HMCES: variants seen among roughly 807,000 people sequenced by gnomAD.
HMCES encodes the protein abasic site processing protein HMCES.
A neutral mutation model predicts 35.1 loss-of-function variants in HMCES; 27 were observed. The ratio of observed to expected loss-of-function variants is 0.77; its 90% CI spans 0.57 to 1.06. HMCES has a LOEUF of 1.06. Ranked by LOEUF, HMCES falls within the 50% of genes least tolerant of loss-of-function variation. HMCES has a pLI of 0.00. For synonymous variants in HMCES, 130 were observed against 154.7 expected, an observed-to-expected ratio of 0.84 and a Z score of 1.18; for missense variants, 391 against 430.4, an observed-to-expected ratio of 0.91 and a Z score of 0.81.
intron 5 of HMCES, among the ~76,000 whole-genome samples, chr3:129,299,715 G>C (rs986224236): frequency 1.4e-5 from 2 of 142,230 alleles, no homozygotes; most frequent in African/African-American, 5.3e-5. Flanking sequence ...GCAGTGGTGC[G>C]ATCTCGGCTC....
chr3:129,294,985 A>G (rs768443353), intron 4 of HMCES, among the ~76,000 whole-genome samples: 3 of 151,928 alleles, frequency 2.0e-5, no homozygotes, highest in South Asian at 2.1e-4. Flanking sequence ...GTGAAACCCC[A>G]TCTCTACTAA....
Position 129,304,721 on chromosome 3 carries a change from A to G in HMCES, c.961A>G (p.Lys321Glu), listed in dbSNP as rs2071214407. 6.2e-7 allele frequency: 1 copy of G among 1,614,160 alleles called. No homozygotes were observed. Among genetic ancestry groups the G allele is most frequent in the Non-Finnish European group, 8.5e-7 (1 of 1,180,020 alleles). ...CCAGTGGTCCAGTCAGTTCCTGCAG[A>G]AGAGTCCACTCCCCACCAAGAGAGG... ...VPQWSSQFLQ[K>E]SPLPTKRGTA... The change falls in exon 7 of 7, where the codon AAG (lysine) becomes GAG (glutamate). Residue 321 changes from lysine to glutamate, a missense_variant. Lys to Glu is a moderately conservative substitution (Grantham distance 56, BLOSUM62 1). Transcript: ENST00000383463.
intron 2 of HMCES, among the ~76,000 whole-genome samples, chr3:129,280,581 G>C (rs972575137): frequency 6.6e-6 from 1 of 152,178 alleles, no homozygotes; most frequent in Non-Finnish European, 1.5e-5. Context: ...CTAGGCCTAG[G>C]ACAGGCTTAA....
At position 129,305,032 on chromosome 3, in the gene HMCES, T is replaced by C. The variant is rs931853192; in HGVS notation, c.*207T>C. ...TTTGGAAGAGGTGTCCTGCTGCTGTTACCAGCCATGTGGGCCCCATAGGGG... is the reference window on the plus strand; with the variant it reads ...TTTGGAAGAGGTGTCCTGCTGCTGTCACCAGCCATGTGGGCCCCATAGGGG... On this transcript the variant is annotated 3_prime_UTR_variant, in exon 7 of 7. Coordinates refer to ENST00000383463, the MANE Select transcript of HMCES (RefSeq NM_020187.3). The C allele has an allele frequency of 1.7e-6, 1 of 582,686 alleles. No individual in the cohort carries two copies. The highest frequency in any genetic ancestry group is 3.0e-6 in the Non-Finnish European group (1 of 328,028). 36.1% of individuals were successfully genotyped at this position (582,686 alleles called of 1,614,324 possible).
rs530263963 is a variant in HMCES at position 129,298,883 on chromosome 3, G to A, written c.635+348G>A. Among the ~76,000 whole-genome samples, 210 of 152,316 alleles carry A rather than the reference G, an allele frequency of 1.4e-3. 1 individual carries two copies. Among genetic ancestry groups the A allele is most frequent in the Middle Eastern group, 0.014 (4 of 294 alleles). ...CTACAGGCTGAGCACGGTGGCTCAC[G>A]CCTGTAATCCCAGCACTTTGGGATG... On this transcript the variant is annotated intron_variant, in intron 5 of 6. Coordinates refer to ENST00000383463, the MANE Select transcript of HMCES (RefSeq NM_020187.3).
At chr3:129,289,900 G>C (rs1004877684) in intron 3 of HMCES, among the ~76,000 whole-genome samples, 4 of 152,122 alleles carry the variant, frequency 2.6e-5, no homozygotes, top group Non-Finnish European at 5.9e-5. Context: ...CATAAGAAAA[G>C]AGAGTGGCCG....
intron 2 of HMCES, among the ~76,000 whole-genome samples, chr3:129,284,512 C>T (rs1940582706): frequency 6.6e-6 from 1 of 152,158 alleles, no homozygotes; most frequent in South Asian, 2.1e-4. Flanking sequence ...GAAACATAAC[C>T]TTGCATTTCC....
chr3:129,303,267 G>A (rs1336605165), intron 6 of HMCES, among the ~76,000 whole-genome samples: 2 of 152,150 alleles, frequency 1.3e-5, no homozygotes, highest in African/African-American at 4.8e-5. Flanking sequence ...CTTAAAATAG[G>A]ACATACTTGG....
intron 5 of HMCES, among the ~76,000 whole-genome samples, chr3:129,299,013 T>G (rs1333242416): frequency 6.6e-6 from 1 of 152,124 alleles, no homozygotes; most frequent in Non-Finnish European, 1.5e-5. Context: ...CCGGGCATGG[T>G]GGCGGGCTCC....
chr3:129,301,633 A>G (rs1047979820), intron 5 of HMCES, among the ~76,000 whole-genome samples: 2 of 152,146 alleles, frequency 1.3e-5, no homozygotes, highest in Non-Finnish European at 2.9e-5. Flanking sequence ...TTCAAGATCT[A>G]TTTTCCCTTC....
At chr3:129,296,548 A>G (rs770438223) in intron 4 of HMCES, among the ~76,000 whole-genome samples, 3 of 151,680 alleles carry the variant, frequency 2.0e-5, no homozygotes, top group Non-Finnish European at 4.4e-5. Context: ...TGGTTCTGTT[A>G]ATTTCTATAT....
chr3:129,296,681 G>C (rs1390135807), intron 4 of HMCES, among the ~76,000 whole-genome samples: 1 of 152,004 alleles, frequency 6.6e-6, no homozygotes, highest in African/African-American at 2.4e-5. Flanking sequence ...TCTTCTATTA[G>C]GCCATTAATA....
chr3:129,281,959 T>G (rs1371345988), intron 2 of HMCES, among the ~76,000 whole-genome samples: 1 of 151,662 alleles, frequency 6.6e-6, no homozygotes, highest in African/African-American at 2.4e-5. Flanking sequence ...TCAAATAATG[T>G]TCTTGGTTGA....
chr3:129,286,417 A>G (rs1436388383), intron 2 of HMCES, among the ~76,000 whole-genome samples: 2 of 152,212 alleles, frequency 1.3e-5, no homozygotes, highest in Non-Finnish European at 2.9e-5. Context: ...GAACTATGAG[A>G]TAAATCATAT....
upstream of HMCES, chr3:129,278,844 C>T (rs1447565147): frequency 6.6e-6 from 1 of 151,418 alleles, no homozygotes; most frequent in East Asian, 2.0e-4. Flanking sequence ...CGCGGGTGGC[C>T]AAAGCGGAGC....
chr3:129,305,215 T>A lies in HMCES; in HGVS notation c.*390T>A, dbSNP rs2071220349. On this transcript the variant is annotated 3_prime_UTR_variant, in exon 7 of 7. Coordinates refer to ENST00000383463, the MANE Select transcript of HMCES (RefSeq NM_020187.3). Reference sequence around the variant, plus strand: ...CTTTCACTTTTTTAGTTCTTAAAAATTTATTTTTAAGTTCTAAAATAAAAT... The same window carrying A: ...CTTTCACTTTTTTAGTTCTTAAAAAATTATTTTTAAGTTCTAAAATAAAAT... 1 of 171,382 alleles carries A rather than the reference T, an allele frequency of 5.8e-6. No individual in the cohort carries two copies. Among genetic ancestry groups the A allele is most frequent in the Non-Finnish European group, 1.2e-5 (1 of 81,160 alleles). The allele number at this position is 171,382 out of a possible 1,614,324, so 10.6% of individuals were successfully genotyped here. A position where few individuals can be genotyped will look rare whatever the true frequency, so the allele number is the denominator to read the frequency against.
At chr3:129,288,369 G>T (rs1466337094) in intron 2 of HMCES, among the ~76,000 whole-genome samples, 1 of 152,216 alleles carries the variant, frequency 6.6e-6, no homozygotes, top group Non-Finnish European at 1.5e-5. Flanking sequence ...GATTGCTAAA[G>T]AACTCAAGTT....
chr3:129,291,077 C>T (rs1426964642), intron 4 of HMCES, among the ~76,000 whole-genome samples: 1 of 152,036 alleles, frequency 6.6e-6, no homozygotes, highest in Non-Finnish European at 1.5e-5. Context: ...TGGTGTGTGC[C>T]TGTAGTCCCA....
chr3:129,304,347 G>GCT (rs1170327734), intron 6 of HMCES, among the ~76,000 whole-genome samples: 3 of 152,232 alleles, frequency 2.0e-5, no homozygotes, highest in Middle Eastern at 3.4e-3. Context: ...ATGCCTTTCA[G>GCT]CTCTCTTCTC....
Sources: gnomAD v4.1 joint callset for allele counts (sites outside exome capture counted in the v4.1 genomes callset) on GRCh38, gnomAD v4.1.1 for gene constraint, MANE v1.5 for transcripts, NCBI Gene and HGNC (gene_info 2026-07-23, HGNC 2026-07-21) for gene names.